The following DPF3 variants were observed in gnomAD, a reference collection of about 807,000 sequenced individuals.
DPF3 encodes the protein zinc finger protein DPF3.
A neutral mutation model predicts 56.8 loss-of-function variants in DPF3; 18 were observed. The ratio of observed to expected loss-of-function variants is 0.32; its 90% CI spans 0.22 to 0.47. The LOEUF is 0.47. Among genes scored for constraint, DPF3 ranks in the 20% least tolerant of loss-of-function variants. DPF3 has a pLI of 1.00. For missense variants in DPF3, 403 were observed against 488.8 expected (o/e 0.82, Z 1.65); for synonymous variants, 188 against 180.2 (o/e 1.04, Z -0.35).
intron 1 of DPF3, among the ~76,000 whole-genome samples, chr14:72,815,224 CA>C (rs922190781): frequency 1.5e-4 from 22 of 142,940 alleles, no homozygotes; most frequent in African/African-American, 1.3e-4. Context: ...AAAAGCACAT[CA>C]AAAAAAAAAG....
intron 3 of DPF3, among the ~76,000 whole-genome samples, chr14:72,738,298 C>T (rs113676093): frequency 0.015 from 2,275 of 152,194 alleles, 19 homozygotes; most frequent in South Asian, 0.033. Context: ...ATTGAGGACC[C>T]ATCACCCAGG....
intron 8 of DPF3, among the ~76,000 whole-genome samples, chr14:72,665,640 T>C (rs944977146): frequency 6.6e-6 from 1 of 152,202 alleles, no homozygotes; most frequent in Non-Finnish European, 1.5e-5. Context: ...AAAAACAAGA[T>C]TGTAGTACTA....
chr14:72,653,076 C>T (rs2153568692), intron 8 of DPF3, among the ~76,000 whole-genome samples: 1 of 152,328 alleles, frequency 6.6e-6, no homozygotes, highest in South Asian at 2.1e-4. Context: ...TGTCACTGAA[C>T]ATTATTGGGA....
chr14:72,795,277 CA>C (rs578053636), intron 1 of DPF3, among the ~76,000 whole-genome samples: 18,718 of 108,788 alleles, frequency 0.17, 1,339 homozygotes, highest in East Asian at 0.35. Context: ...CTCTTTTTGA[CA>C]AAAAAAAAAA....
At chr14:72,870,398 T>C (rs1419382657) in intron 1 of DPF3, among the ~76,000 whole-genome samples, 3 of 152,220 alleles carry the variant, frequency 2.0e-5, no homozygotes, top group Non-Finnish European at 4.4e-5. Context: ...ATGAATGGAA[T>C]TGTGGGCTGA....
At chr14:72,832,249 T>C (rs184220311) in intron 1 of DPF3, among the ~76,000 whole-genome samples, 1 of 151,834 alleles carries the variant, frequency 6.6e-6, no homozygotes, top group African/African-American at 2.4e-5. Context: ...AAATAAAAAA[T>C]TTTGAGGGAG....
chr14:72,693,404 G>A (rs1349844554), intron 6 of DPF3, among the ~76,000 whole-genome samples, 191 bp from the exon 7 acceptor site: 2 of 152,056 alleles, frequency 1.3e-5, no homozygotes, highest in Non-Finnish European at 2.9e-5. Flanking sequence ...CTCAGGTCAT[G>A]GAAAGAAAAA....
chr14:72,710,325 T>C (rs1487375962), intron 6 of DPF3, among the ~76,000 whole-genome samples: 1 of 152,196 alleles, frequency 6.6e-6, no homozygotes, highest in Non-Finnish European at 1.5e-5. Flanking sequence ...AAGCGCTGGA[T>C]AGCTGAGTTG....
At chr14:72,662,593 T>C (rs1599335443) in intron 8 of DPF3, 1 of 985,334 alleles carries the variant, frequency 1.0e-6, no homozygotes, top group East Asian at 1.1e-4. Flanking sequence ...AAAAATCTTC[T>C]TATTGCACAA....
At chr14:72,875,861 C>T (rs1397472575) in intron 1 of DPF3, among the ~76,000 whole-genome samples, 1 of 152,166 alleles carries the variant, frequency 6.6e-6, no homozygotes, top group Non-Finnish European at 1.5e-5. Context: ...GAATAAACCA[C>T]CCCGATCCCC....
intron 8 of DPF3, among the ~76,000 whole-genome samples, chr14:72,640,096 A>G (rs1885511248): frequency 7.5e-6 from 1 of 132,664 alleles, no homozygotes; most frequent in Non-Finnish European, 1.7e-5. Context: ...ACAGCATTAC[A>G]GGGAAAGGCA....
chr14:72,838,905 A>ATATATATATATTTTTTTTTTTTTT, intron 1 of DPF3, among the ~76,000 whole-genome samples: 1 of 64,480 alleles, frequency 1.6e-5, no homozygotes. Context: ...TATCATATAT[A>ATATATATATATTTTTTTTTTTTTT]TTCTTTTTTT....
At chr14:72,664,768 T>C (rs1269146974) in intron 8 of DPF3, among the ~76,000 whole-genome samples, 1 of 152,208 alleles carries the variant, frequency 6.6e-6, no homozygotes, top group Non-Finnish European at 1.5e-5. Flanking sequence ...CAGAAACTGC[T>C]CAGTTCTCAG....
At chr14:72,794,080 G>C (rs1228097469) in intron 1 of DPF3, among the ~76,000 whole-genome samples, 2 of 152,218 alleles carry the variant, frequency 1.3e-5, no homozygotes, top group Non-Finnish European at 2.9e-5. Flanking sequence ...ACTGGCATGA[G>C]GACACCAGGT....
intron 1 of DPF3, 47 bp from the exon 2 acceptor site, chr14:72,771,940 C>A: frequency 1.4e-6 from 2 of 1,415,304 alleles, no homozygotes; most frequent in Non-Finnish European, 1.9e-6. Flanking sequence ...AAGACTGAAA[C>A]ACACCCAGAG....
chr14:72,885,051 G>T (rs1408472958), intron 1 of DPF3, among the ~76,000 whole-genome samples: 1 of 141,722 alleles, frequency 7.1e-6, no homozygotes, highest in South Asian at 2.3e-4. Flanking sequence ...GCGTGAACCC[G>T]GGAGGTGGAG....
chr14:72,849,200 A>G (rs1020183161), intron 1 of DPF3, among the ~76,000 whole-genome samples: 2 of 152,218 alleles, frequency 1.3e-5, no homozygotes, highest in Non-Finnish European at 2.9e-5. Flanking sequence ...CACTATGGTT[A>G]TAAGTTTCAA....
At position 72,609,699 on chromosome 14, in the gene DPF3, A is replaced by T. The variant is rs1222376836; in HGVS notation, c.*9598T>A. 2.0e-5 allele frequency among the ~76,000 whole-genome samples: 3 copies of T among 152,186 alleles called. No homozygotes were observed. In the East Asian group the frequency reaches 5.8e-4, roughly 29 times the overall value. Reference sequence around the variant, plus strand: ...CGCAACCACATCACAGTGAAGGAGGAGGACAGCTAACGGGGTGGGAGGTGG... The same window carrying T: ...CGCAACCACATCACAGTGAAGGAGGTGGACAGCTAACGGGGTGGGAGGTGG... On this transcript the variant is annotated 3_prime_UTR_variant, in exon 11 of 11. Coordinates refer to ENST00000556509, the MANE Select transcript of DPF3 (RefSeq NM_001280542.3).
chr14:72,752,492 G>A (rs1890620576), intron 3 of DPF3, among the ~76,000 whole-genome samples: 1 of 152,160 alleles, frequency 6.6e-6, no homozygotes, highest in African/African-American at 2.4e-5. Context: ...GTGAAACACT[G>A]TCTCTACTAA....
Sources: allele counts gnomAD v4.1 joint callset (sites outside exome capture counted in the v4.1 genomes callset), GRCh38; gene constraint gnomAD v4.1.1; transcripts MANE v1.5; gene names NCBI Gene and HGNC (gene_info 2026-07-23, HGNC 2026-07-21).